The following ZCWPW2 variants were observed in gnomAD, a reference collection of about 807,000 sequenced individuals.
ZCWPW2 encodes zinc finger CW-type PWWP domain protein 2.
Under a neutral mutation model 46.6 loss-of-function variants are expected in ZCWPW2, and 45 were observed. The ratio of observed to expected loss-of-function variants is 0.96; its 90% CI spans 0.76 to 1.24. The LOEUF (loss-of-function observed/expected upper bound fraction) is 1.24. ZCWPW2 is among the 50% of genes most tolerant of loss of function. The pLI, the probability that ZCWPW2 is intolerant of heterozygous loss-of-function variation, is 0.00. For synonymous variants in ZCWPW2, 152 were observed against 137.1 expected, an observed-to-expected ratio of 1.11 and a Z score of -0.76; for missense variants, 429 against 403.9, an observed-to-expected ratio of 1.06 and a Z score of -0.53.
intron 5 of ZCWPW2, among the ~76,000 whole-genome samples, chr3:28,482,583 C>T (rs1053246961): frequency 6.6e-6 from 1 of 152,154 alleles, no homozygotes; most frequent in Admixed American, 6.5e-5. Flanking sequence ...AAACTGTCTT[C>T]CAAAATGACT....
In ZCWPW2 at chr3:28,492,191, T is replaced by A; in HGVS notation, c.657+18T>A. ...AGAAAAGGGTAAGATTGTGTTTTAT[T>A]ATATAAAATATACAAACTTCAAATT... On this transcript the variant is annotated intron_variant, in intron 6 of 9. Transcript: ENST00000383768. 6.3e-7 allele frequency: 1 copy of A among 1,583,462 alleles called. No homozygotes were observed. Among genetic ancestry groups the A allele is most frequent in the South Asian group, 1.2e-5 (1 of 84,500 alleles).
chr3:28,423,362 CTT>C (rs1168607790), intron 3 of ZCWPW2, among the ~76,000 whole-genome samples: 4 of 110,854 alleles, frequency 3.6e-5, no homozygotes, highest in Non-Finnish European at 5.6e-5. Flanking sequence ...TGTGAGCTAT[CTT>C]TTTTTTTTTT....
intron 1 of ZCWPW2, among the ~76,000 whole-genome samples, chr3:28,377,453 A>G (rs563300294): frequency 6.6e-6 from 1 of 152,176 alleles, no homozygotes; most frequent in African/African-American, 2.4e-5. Flanking sequence ...TCAAGTTACA[A>G]TTTTCTAATT....
intron 4 of ZCWPW2, among the ~76,000 whole-genome samples, chr3:28,471,892 A>T (rs1299708248): frequency 6.6e-6 from 1 of 152,238 alleles, no homozygotes; most frequent in African/African-American, 2.4e-5. Flanking sequence ...GTAGGATACT[A>T]ATCAACATAC....
chr3:28,489,705 C>CA (rs1699741448), intron 5 of ZCWPW2, among the ~76,000 whole-genome samples: 1 of 149,904 alleles, frequency 6.7e-6, no homozygotes, highest in Non-Finnish European at 1.5e-5. Flanking sequence ...CACACACACA[C>CA]CCCATGTCTA....
At chr3:28,370,305 A>C (rs1705280890) in intron 1 of ZCWPW2, among the ~76,000 whole-genome samples, 1 of 152,118 alleles carries the variant, frequency 6.6e-6, no homozygotes, top group South Asian at 2.1e-4. Context: ...GCTTCACCCC[A>C]AAAAACATTC....
chr3:28,517,851 TG>T lies in ZCWPW2; in HGVS notation c.784+2234del, dbSNP rs539485693. On this transcript the variant is annotated intron_variant, in intron 8 of 9. Coordinates refer to ENST00000383768, the MANE Select transcript of ZCWPW2 (RefSeq NM_001040432.4). ...CACATTAATTTTTAAAAACTAGATA[TG>T]GGGCTGGGCATGGTGGCTCACGCCT... Among the ~76,000 whole-genome samples the T allele has an allele frequency of 1.5e-3, 235 of 152,268 alleles. 1 individual carries two copies. Among genetic ancestry groups the T allele is most frequent in the East Asian group, 0.015 (77 of 5,188 alleles).
intron 4 of ZCWPW2, among the ~76,000 whole-genome samples, chr3:28,435,949 G>T (rs1329732777): frequency 2.6e-5 from 4 of 152,036 alleles, no homozygotes; most frequent in Non-Finnish European, 4.4e-5. Context: ...CTTAATTATG[G>T]ATTGCAACCA....
intron 2 of ZCWPW2, among the ~76,000 whole-genome samples, chr3:28,395,201 CCA>C (rs1171493719): frequency 6.6e-6 from 1 of 151,964 alleles, no homozygotes; most frequent in Non-Finnish European, 1.5e-5. Flanking sequence ...CAAATCAAAA[CCA>C]CAATGAGATA....
At chr3:28,399,880 C>A (rs1020629048) in intron 2 of ZCWPW2, among the ~76,000 whole-genome samples, 8 of 152,032 alleles carry the variant, frequency 5.3e-5, no homozygotes, top group Non-Finnish European at 1.2e-4. Flanking sequence ...TTCTTTAACA[C>A]CCCCAAAAAA....
At chr3:28,425,834 G>A (rs140720477) in intron 3 of ZCWPW2, among the ~76,000 whole-genome samples, 338 of 152,298 alleles carry the variant, frequency 2.2e-3, no homozygotes, top group African/African-American at 7.8e-3. Context: ...TGTAGGCCAG[G>A]TGCGGTGGCT....
At chr3:28,495,981 A>G (rs1699980596) in intron 6 of ZCWPW2, among the ~76,000 whole-genome samples, 1 of 152,102 alleles carries the variant, frequency 6.6e-6, no homozygotes, top group Non-Finnish European at 1.5e-5. Flanking sequence ...GACAAACTAC[A>G]AATATAATTT....
At chr3:28,484,959 T>G (rs2125810234) in intron 5 of ZCWPW2, among the ~76,000 whole-genome samples, 1 of 152,268 alleles carries the variant, frequency 6.6e-6, no homozygotes, top group South Asian at 2.1e-4. Flanking sequence ...TAGCCTGTTC[T>G]TTTTCTTCTA....
chr3:28,495,147 C>G (rs1048566452), intron 6 of ZCWPW2, among the ~76,000 whole-genome samples: 2 of 151,796 alleles, frequency 1.3e-5, no homozygotes, highest in Admixed American at 6.6e-5. Context: ...AAGAACAAAG[C>G]TGGAGGCATC....
At chr3:28,436,540 AAT>A (rs1697508407) in intron 4 of ZCWPW2, among the ~76,000 whole-genome samples, 1 of 152,102 alleles carries the variant, frequency 6.6e-6, no homozygotes, top group Non-Finnish European at 1.5e-5. Flanking sequence ...AGTAAAATTA[AAT>A]CTGTGAAAAT....
At chr3:28,515,657 C>T in intron 8 of ZCWPW2, 36 bp downstream of exon 8, 1 of 1,552,044 alleles carries the variant, frequency 6.4e-7, no homozygotes, top group South Asian at 1.2e-5. Context: ...AGTTCTTTAA[C>T]CTATATATAA....
At position 28,371,584 on chromosome 3, in the gene ZCWPW2, A is replaced by G; in HGVS notation, c.-133-18914A>G. 1.3e-5 allele frequency among the ~76,000 whole-genome samples: 2 copies of G among 152,144 alleles called. 1 individual carries two copies. Among genetic ancestry groups the G allele is most frequent in the Non-Finnish European group, 2.9e-5 (2 of 68,016 alleles). On this transcript the variant is annotated intron_variant, in intron 1 of 9. Transcript: ENST00000383768. ...TAAGGTGGGAGGATCACTTGAGCCCAGGAGTTTGAGGATACAGGGAGCTAT... is the reference window on the plus strand; with the variant it reads ...TAAGGTGGGAGGATCACTTGAGCCCGGGAGTTTGAGGATACAGGGAGCTAT...
At chr3:28,375,391 G>GT (rs1705471558) in intron 1 of ZCWPW2, among the ~76,000 whole-genome samples, 1 of 151,892 alleles carries the variant, frequency 6.6e-6, no homozygotes, top group South Asian at 2.1e-4. Flanking sequence ...TTTGTTGCTT[G>GT]TTTTCTGGTT....
At chr3:28,474,803 ATTTGTTGTTGTTG>A (rs1329079755) in intron 4 of ZCWPW2, among the ~76,000 whole-genome samples, 1 of 89,704 alleles carries the variant, frequency 1.1e-5, no homozygotes, top group Non-Finnish European at 2.4e-5. Flanking sequence ...TGTCTGAACT[ATTTGTTGTTGTTG>A]TTGTTGTTGT....
Sources: gnomAD v4.1 joint callset for allele counts (sites outside exome capture counted in the v4.1 genomes callset) on GRCh38, gnomAD v4.1.1 for gene constraint, MANE v1.5 for transcripts, NCBI Gene and HGNC (gene_info 2026-07-23, HGNC 2026-07-21) for gene names.